The following SLC4A4 variants were observed in gnomAD, a reference collection of about 807,000 sequenced individuals.
The protein encoded by SLC4A4 is electrogenic sodium bicarbonate cotransporter 1.
A neutral mutation model predicts 111.5 loss-of-function variants in SLC4A4; 27 were observed. That is an observed-to-expected ratio of 0.24 (90% confidence interval 0.18 to 0.33). The LOEUF is 0.33. Among genes scored for constraint, SLC4A4 ranks in the 10% least tolerant of loss-of-function variants. The pLI is 1.00. For missense variants in SLC4A4, 909 were observed against 1,315.5 expected (o/e 0.69, Z 4.78); for synonymous variants, 443 against 463.4 (o/e 0.96, Z 0.57).
intron 2 of SLC4A4, among the ~76,000 whole-genome samples, chr4:71,159,738 A>G (rs1364007418): frequency 6.6e-6 from 1 of 152,112 alleles, no homozygotes; most frequent in Non-Finnish European, 1.5e-5. Context: ...TTTTATTATT[A>G]CTGTTTTCAT....
At position 71,436,888 on chromosome 4, in the gene SLC4A4, T is replaced by C. The variant is rs1724207686; in HGVS notation, c.808-3728T>C. On this transcript the variant is annotated intron_variant, in intron 7 of 25. Coordinates refer to ENST00000264485, the MANE Select transcript of SLC4A4 (RefSeq NM_001098484.3). Reference sequence around the variant, plus strand: ...ATGTCATTAAAACCCAGGCTATGTGTGGCTGCTCTTTCCCACTGCAGTGAA... The same window carrying C: ...ATGTCATTAAAACCCAGGCTATGTGCGGCTGCTCTTTCCCACTGCAGTGAA... 8.8e-6 allele frequency: 2 copies of C among 228,212 alleles called. 1 individual carries two copies. Among genetic ancestry groups the C allele is most frequent in the African/African-American group, 4.7e-5 (2 of 42,532 alleles). The allele number at this position is 228,212 out of a possible 1,614,324, so 14.1% of individuals were successfully genotyped here.
In SLC4A4 at chr4:71,472,919, A is replaced by C. The variant is rs1255779990; in HGVS notation, c.1852A>C (p.Lys618Gln). Reference protein sequence around the residue: ...ADYYPINSNFKVGYNTLFSCT... With the variant: ...ADYYPINSNFQVGYNTLFSCT... The stretch of plus-strand genomic sequence containing the variant: ...TTACTACCCCATCAACTCCAACTTC[A>C]AAGTGGGCTACAACACTCTCTTTTC... Residue 618 changes from lysine to glutamine, a missense_variant, in exon 14 of 26, where the codon AAA becomes CAA. Physicochemically the swap from Lys to Gln is moderately conservative, Grantham distance 53. This residue lies in a region of SLC4A4 where 264 missense variants were observed against 356.8 expected (regional missense o/e 0.74). Coordinates refer to ENST00000264485, the MANE Select transcript of SLC4A4 (RefSeq NM_001098484.3). 2 of 1,612,814 alleles carry C rather than the reference A, an allele frequency of 1.2e-6. No individual in the cohort carries two copies. The highest frequency in any genetic ancestry group is 1.7e-6 in the Non-Finnish European group (2 of 1,179,356).
chr4:71,387,878 C>G (rs1231340813), intron 6 of SLC4A4, among the ~76,000 whole-genome samples: 1 of 152,000 alleles, frequency 6.6e-6, no homozygotes, highest in African/African-American at 2.4e-5. Flanking sequence ...TGTCTTGGAG[C>G]TGATGTCTAC....
At chr4:71,063,791 A>G (rs961987774) in intron 1 of SLC4A4, among the ~76,000 whole-genome samples, 32 of 152,154 alleles carry the variant, frequency 2.1e-4, no homozygotes, top group Non-Finnish European at 2.9e-5. Flanking sequence ...CCACTAGGAA[A>G]AGGTATGGAT....
intron 7 of SLC4A4, among the ~76,000 whole-genome samples, chr4:71,402,191 TA>T (rs764147091): frequency 2.0e-5 from 3 of 152,182 alleles, no homozygotes; most frequent in Non-Finnish European, 4.4e-5. Flanking sequence ...TGTATAAGTT[TA>T]AAGTTGCTAA....
At chr4:71,522,989 A>G (rs1733092197) in intron 16 of SLC4A4, among the ~76,000 whole-genome samples, 1 of 152,138 alleles carries the variant, frequency 6.6e-6, no homozygotes, top group South Asian at 2.1e-4. Flanking sequence ...TTTTTAATTG[A>G]CATTTTGGTC....
At chr4:71,257,172 C>A (rs1346376370) in intron 3 of SLC4A4, among the ~76,000 whole-genome samples, 2 of 152,130 alleles carry the variant, frequency 1.3e-5, no homozygotes, top group African/African-American at 4.8e-5. Flanking sequence ...TTGAATACAG[C>A]ATTTAAAATA....
chr4:71,259,285 G>A (rs916268226), intron 3 of SLC4A4, among the ~76,000 whole-genome samples: 2 of 151,998 alleles, frequency 1.3e-5, no homozygotes, highest in African/African-American at 2.4e-5. Context: ...TGTCAAGACC[G>A]GGTTTCTAAA....
chr4:71,133,544 A>T (rs1743764920), intron 2 of SLC4A4, among the ~76,000 whole-genome samples: 1 of 152,178 alleles, frequency 6.6e-6, no homozygotes, highest in African/African-American at 2.4e-5. Context: ...AAAGTGGTCC[A>T]GGGTAGTCGT....
intron 23 of SLC4A4, among the ~76,000 whole-genome samples, chr4:71,562,185 T>C (rs1213784001): frequency 6.6e-6 from 1 of 151,854 alleles, no homozygotes; most frequent in Admixed American, 6.6e-5. Context: ...TACTTGTTTT[T>C]TACCTCTTCC....
At chr4:71,408,563 A>C (rs1361094196) in intron 7 of SLC4A4, among the ~76,000 whole-genome samples, 3 of 152,144 alleles carry the variant, frequency 2.0e-5, no homozygotes, top group African/African-American at 7.2e-5. Context: ...TCATGCTCTT[A>C]ACTTCTGCTC....
At chr4:71,548,391 A>G (rs1735714947) in intron 20 of SLC4A4, among the ~76,000 whole-genome samples, 1 of 151,932 alleles carries the variant, frequency 6.6e-6, no homozygotes. Context: ...GCCTAGATAG[A>G]TAAATGCAAA....
At chr4:71,312,898 A>G (rs62302786) in intron 3 of SLC4A4, among the ~76,000 whole-genome samples, 6,735 of 152,308 alleles carry the variant, frequency 0.044, 214 homozygotes, top group Non-Finnish European at 0.07. Flanking sequence ...CTCCTATTCA[A>G]CATAGTATTG....
chr4:71,230,413 G>A (rs917645395), intron 1 of SLC4A4, among the ~76,000 whole-genome samples: 2 of 152,282 alleles, frequency 1.3e-5, no homozygotes, highest in African/African-American at 2.4e-5. Context: ...CCCTGTGTGC[G>A]TCACTTTGGT....
intron 3 of SLC4A4, among the ~76,000 whole-genome samples, chr4:71,320,609 C>T (rs117680052): frequency 3.9e-5 from 6 of 152,116 alleles, no homozygotes; most frequent in East Asian, 1.9e-4. Flanking sequence ...GTTGCTAAAG[C>T]GTTTTACCAG....
chr4:71,553,637 G>A (rs536782406), intron 20 of SLC4A4, among the ~76,000 whole-genome samples: 1 of 151,724 alleles, frequency 6.6e-6, no homozygotes, highest in East Asian at 2.0e-4. Context: ...AAGAAATATG[G>A]GAGATGTTTA....
chr4:71,258,383 ATTC>A (rs769713300), intron 3 of SLC4A4, among the ~76,000 whole-genome samples: 1 of 152,120 alleles, frequency 6.6e-6, no homozygotes, highest in Non-Finnish European at 1.5e-5. Flanking sequence ...CCCCTTCATT[ATTC>A]TTTCCCAACG....
chr4:71,074,009 C>T (rs1376462778), intron 1 of SLC4A4, among the ~76,000 whole-genome samples: 5 of 151,464 alleles, frequency 3.3e-5, no homozygotes, highest in South Asian at 4.2e-4. Flanking sequence ...CACTTGAGCC[C>T]GGGAGAGCCA....
At chr4:71,562,516 G>A (rs879408564) in intron 23 of SLC4A4, among the ~76,000 whole-genome samples, 19 of 151,450 alleles carry the variant, frequency 1.3e-4, no homozygotes, top group Non-Finnish European at 1.5e-4. Flanking sequence ...GCCCTTCTTT[G>A]TCTTTTTTGA....
Sources: gnomAD v4.1 joint callset for allele counts (sites outside exome capture counted in the v4.1 genomes callset) on GRCh38, gnomAD v4.1.1 for gene constraint, gnomAD v4.1.1 regional missense constraint, MANE v1.5 for transcripts, NCBI Gene and HGNC (gene_info 2026-07-23, HGNC 2026-07-21) for gene names.